The following ZNF536 variants were observed in gnomAD, a reference collection of about 807,000 sequenced individuals.
ZNF536 encodes zinc finger protein 536.
A neutral mutation model predicts 84.5 loss-of-function variants in ZNF536; 13 were observed. The observed-to-expected ratio is 0.15, with a 90% CI of 0.10 to 0.24. The LOEUF (loss-of-function observed/expected upper bound fraction) is 0.24, where lower values mean the gene tolerates loss of function less well. Ranked by LOEUF, ZNF536 falls within the 10% of genes least tolerant of loss-of-function variation. The pLI, the probability that ZNF536 is intolerant of heterozygous loss-of-function variation, is 1.00. For synonymous variants in ZNF536, 811 were observed against 742.5 expected (o/e 1.09, Z -1.50); for missense variants, 1,536 against 1,747.5 (o/e 0.88, Z 2.16).
intron 2 of ZNF536, among the ~76,000 whole-genome samples, chr19:30,451,040 T>A (rs920812792): frequency 2.6e-5 from 4 of 152,270 alleles, no homozygotes; most frequent in Non-Finnish European, 5.9e-5. Context: ...GGCTCGTGTG[T>A]GCCGAAGCTG....
At chr19:30,681,248 G>A (rs1048506056) in intron 1 of ZNF536, among the ~76,000 whole-genome samples, 3 of 152,166 alleles carry the variant, frequency 2.0e-5, no homozygotes, top group Admixed American at 6.5e-5. Flanking sequence ...CTGCAGCACA[G>A]GAACCCACAA....
intron 1 of ZNF536, among the ~76,000 whole-genome samples, chr19:30,583,532 G>A (rs1453138575): frequency 6.6e-6 from 1 of 152,184 alleles, no homozygotes. Context: ...GTCCTGGCCT[G>A]CAGCTCCACC....
chr19:30,377,370 T>C (rs904772633), intron 1 of ZNF536, among the ~76,000 whole-genome samples: 10 of 152,120 alleles, frequency 6.6e-5, no homozygotes, highest in African/African-American at 2.4e-4. Flanking sequence ...GTCGCTTCTG[T>C]GGTCGCCAGA....
chr19:30,622,407 T>TC (rs2048514071), intron 1 of ZNF536, among the ~76,000 whole-genome samples: 1 of 152,148 alleles, frequency 6.6e-6, no homozygotes. Context: ...TGCCATCATG[T>TC]CCCCCCAGGG....
intron 3 of ZNF536, among the ~76,000 whole-genome samples, chr19:30,539,413 G>A (rs1380501069): frequency 2.0e-5 from 3 of 152,148 alleles, no homozygotes; most frequent in African/African-American, 7.2e-5. Context: ...TCTTTACTCA[G>A]CCCACCCATT....
chr19:30,691,981 C>T (rs1056571595), intron 1 of ZNF536, among the ~76,000 whole-genome samples: 4 of 152,202 alleles, frequency 2.6e-5, no homozygotes, highest in African/African-American at 9.6e-5. Context: ...CTCCAGAGAC[C>T]GGGGGTCTTT....
intron 3 of ZNF536, among the ~76,000 whole-genome samples, chr19:30,545,379 A>G (rs902741519): frequency 3.4e-5 from 4 of 117,018 alleles, no homozygotes; most frequent in Admixed American, 9.0e-5. Flanking sequence ...ACCCGCTCCC[A>G]TATGTCTTTT....
At chr19:30,701,081 T>C (rs1387339141) in intron 1 of ZNF536, among the ~76,000 whole-genome samples, 1 of 152,186 alleles carries the variant, frequency 6.6e-6, no homozygotes, top group Non-Finnish European at 1.5e-5. Context: ...TAGAGATATT[T>C]TGTGATCCCA....
intron 1 of ZNF536, among the ~76,000 whole-genome samples, chr19:30,382,561 G>T (rs2049063291): frequency 1.6e-5 from 2 of 127,428 alleles, no homozygotes; most frequent in South Asian, 5.4e-4. Flanking sequence ...ATGGGATGTG[G>T]GCAGGGAATT....
intron 1 of ZNF536, among the ~76,000 whole-genome samples, chr19:30,629,764 G>A (rs922171019): frequency 7.9e-5 from 12 of 152,228 alleles, no homozygotes; most frequent in South Asian, 2.1e-4. Flanking sequence ...CCCCTATGCC[G>A]TTTGTCAACC....
chr19:30,476,720 G>T (rs2053861703), intron 2 of ZNF536, among the ~76,000 whole-genome samples: 2 of 152,274 alleles, frequency 1.3e-5, no homozygotes, highest in Middle Eastern at 3.4e-3. Context: ...TCTCAAACAG[G>T]TCCATTTTAG....
chr19:30,637,881 G>T lies in ZNF536; in HGVS notation c.170-72876G>T, dbSNP rs1029724515. On this transcript the variant is annotated intron_variant, in intron 1 of 1. Coordinates refer to the ZNF536 transcript ENST00000592773. ...GCAAGGGTTAGACAAAGGCAGCAAG[G>T]TATTTCGAGGGTTTTTTTGCAAAGC... Among the ~76,000 whole-genome samples the T allele has an allele frequency of 2.6e-5, 4 of 152,092 alleles. No individual in the cohort carries two copies. In the East Asian group the frequency reaches 7.7e-4, roughly 29 times the overall value.
At chr19:30,453,703 G>C (rs1200594053) in intron 2 of ZNF536, among the ~76,000 whole-genome samples, 1 of 152,212 alleles carries the variant, frequency 6.6e-6, no homozygotes, top group African/African-American at 2.4e-5. Context: ...AAAACAATGC[G>C]TGTCTGAACA....
intron 2 of ZNF536, among the ~76,000 whole-genome samples, chr19:30,342,247 A>G (rs1182286243): frequency 6.6e-6 from 1 of 152,220 alleles, no homozygotes; most frequent in Non-Finnish European, 1.5e-5. Context: ...TGCTTTCGAC[A>G]CACAGTGTTT....
At chr19:30,405,775 T>C (rs2050237484) in intron 1 of ZNF536, among the ~76,000 whole-genome samples, 1 of 149,344 alleles carries the variant, frequency 6.7e-6, no homozygotes, top group Non-Finnish European at 1.5e-5. Flanking sequence ...AGAGGCACTG[T>C]TAACATTTTT....
intron 2 of ZNF536, among the ~76,000 whole-genome samples, chr19:30,336,346 A>G (rs944726303): frequency 6.6e-6 from 1 of 152,234 alleles, no homozygotes; most frequent in Non-Finnish European, 1.5e-5. Context: ...CTCAGTGAAC[A>G]TGTGCCGAAT....
In ZNF536 at chr19:30,249,623, T is replaced by G. The variant is rs190462018; in HGVS notation, c.-190+20950T>G. Among the ~76,000 whole-genome samples, 332 of 152,114 alleles carry G rather than the reference T, an allele frequency of 2.2e-3. 2 individuals carry two copies. The highest frequency in any genetic ancestry group is 3.6e-3 in the Non-Finnish European group (243 of 67,994). On this transcript the variant is annotated intron_variant, in intron 1 of 5. Transcript: ENST00000585628. The stretch of plus-strand genomic sequence containing the variant: ...AGCCCTGACTGCACCCCACCTTGGG[T>G]GATGGAGCGAGACCCTGTCCCAAAA...
Position 30,444,225 on chromosome 19 carries a change from G to T in ZNF536, c.663G>T (p.Arg221=). ...TGAAAGGCAGCCTGCTGCAGCCCCG[G>T]CCGGACCTGAAGCCCCCGCCGCACG... ...KQLKGSLLQP[R]PDLKPPPHAQ... is the part of the protein sequence containing the mutation. Residue 221 remains arginine (R), a synonymous_variant, in exon 2 of 5, where the codon CGG becomes CGT. Transcript: ENST00000355537. 6.5e-7 allele frequency: 1 copy of T among 1,544,998 alleles called. No individual in the cohort carries two copies. The highest frequency in any genetic ancestry group is 1.2e-5 in the South Asian group (1 of 85,144).
intron 1 of ZNF536, among the ~76,000 whole-genome samples, chr19:30,282,007 GT>G: frequency 6.6e-6 from 1 of 152,166 alleles, no homozygotes; most frequent in East Asian, 1.9e-4. Context: ...CAAAAGAGCT[GT>G]TTCTTTCATT....
Sources: allele counts gnomAD v4.1 joint callset (sites outside exome capture counted in the v4.1 genomes callset), GRCh38; gene constraint gnomAD v4.1.1; transcripts MANE v1.5; gene names NCBI Gene and HGNC (gene_info 2026-07-23, HGNC 2026-07-21).